The following LARS1 variants were observed in gnomAD, a reference collection of about 807,000 sequenced individuals.
The protein encoded by LARS1 is leucine--tRNA ligase, cytoplasmic.
LARS1 carries 100 observed loss-of-function variants against 162.8 expected under a neutral mutation model. The observed-to-expected ratio is 0.61, with a 90% CI of 0.52 to 0.73. The LOEUF (loss-of-function observed/expected upper bound fraction) is 0.73. LARS1 is among the 30% of genes least tolerant of loss of function. The pLI is 0.00. For synonymous variants in LARS1, 457 were observed against 462.8 expected, an observed-to-expected ratio of 0.99 and a Z score of 0.16; for missense variants, 1,258 against 1,408.9, an observed-to-expected ratio of 0.89 and a Z score of 1.71.
In LARS1 at chr5:146,135,617, G is replaced by C. The variant is rs1391232206; in HGVS notation, c.2196C>G (p.Asp732Glu). Residue 732 changes from aspartate to glutamate, a missense_variant, in exon 22 of 32, where the codon GAC becomes GAG. Transcript: ENST00000394434. ...GNFLTLTQAI[D>E]KFSADGMRLA... ...TTTACTCACCATCTGCTGAAAATTT[G>C]TCAATAGCTTGGGTCAAAGTGAGGA... 2 of 1,604,826 alleles carry C rather than the reference G, an allele frequency of 1.2e-6. No individual in the cohort carries two copies. Among genetic ancestry groups the C allele is most frequent in the East Asian group, 2.2e-5 (1 of 44,540 alleles).
chr5:146,139,907 G>A (rs1421263772), intron 21 of LARS1, among the ~76,000 whole-genome samples: 2 of 146,800 alleles, frequency 1.4e-5, no homozygotes, highest in African/African-American at 5.0e-5. Context: ...ATTAATTTAT[G>A]CCTCGTCCTA....
chr5:146,124,035 C>G lies in LARS1; in HGVS notation c.3043G>C (p.Asp1015His), dbSNP rs1437780784. The G allele has an allele frequency of 6.2e-7, 1 of 1,610,896 alleles. No homozygotes were observed. The highest frequency in any genetic ancestry group is 1.7e-5 in the Admixed American group (1 of 59,878). ...PRILDLQLEF[D>H]EKAVLMENIV... Reference sequence around the variant, plus strand: ...TTCTCCATAAGCACAGCCTTTTCATCAAATTCTAATTGCAAATCCAGAATA... The same window carrying G: ...TTCTCCATAAGCACAGCCTTTTCATGAAATTCTAATTGCAAATCCAGAATA... The change falls in exon 29 of 32, where the codon GAT (aspartate) becomes CAT (histidine). Residue 1015 changes from aspartate to histidine, a missense_variant. Coordinates refer to ENST00000394434, the MANE Select transcript of LARS1 (RefSeq NM_020117.11).
intron 21 of LARS1, chr5:146,137,824 T>C: frequency 3.8e-6 from 1 of 266,416 alleles, no homozygotes. Flanking sequence ...CACACAGCTC[T>C]TCTTAAAATT....
intron 3 of LARS1, 120 bp downstream of exon 3, chr5:146,172,567 C>T: frequency 2.1e-6 from 1 of 466,038 alleles, no homozygotes; most frequent in Non-Finnish European, 3.8e-6. Context: ...AAAAATTATG[C>T]TTTAAGGAAT....
intron 3 of LARS1, 126 bp downstream of exon 3, chr5:146,172,561 A>C (rs1421845305): frequency 8.9e-6 from 4 of 451,074 alleles, no homozygotes; most frequent in African/African-American, 2.1e-5. Flanking sequence ...AATATAAAAA[A>C]TTATGCTTTA....
At chr5:146,158,806 A>G (rs1753640594) in intron 8 of LARS1, among the ~76,000 whole-genome samples, 1 of 152,174 alleles carries the variant, frequency 6.6e-6, no homozygotes, top group African/African-American at 2.4e-5. Flanking sequence ...GTAAAAAGAT[A>G]TTCCTGGAGG....
In LARS1 at chr5:146,129,067, C is replaced by T. The variant is rs773155255; in HGVS notation, c.2680G>A (p.Val894Ile). The change falls in exon 26 of 32, where the codon GTT (valine) becomes ATT (isoleucine). Residue 894 changes from valine to isoleucine, a missense_variant. Coordinates refer to ENST00000394434, the MANE Select transcript of LARS1 (RefSeq NM_020117.11). The stretch of plus-strand genomic sequence containing the variant: ...AGATACTGTGAGGAGTGTATTAAAA[C>T]TTCATTAACAGGACCTGCCACAGGC... ...SWPVAGPVNE[V>I]LIHSSQYLME... 17 of 1,610,428 alleles carry T rather than the reference C, an allele frequency of 1.1e-5. No homozygotes were observed. In the Admixed American group the frequency reaches 2.7e-4, roughly 25 times the overall value.
intron 21 of LARS1, chr5:146,139,003 AT>A: frequency 2.7e-6 from 1 of 375,418 alleles, no homozygotes; most frequent in South Asian, 2.1e-5. Context: ...CCCCTCAAGG[AT>A]TTAAACTAAC....
rs1338552407 is a variant in LARS1, at chr5:146,145,069, G to GT, written c.1504-361dup. Among the ~76,000 whole-genome samples, 370 of 151,756 alleles carry GT rather than the reference G, an allele frequency of 2.4e-3. 3 individuals carry two copies. The highest frequency in any genetic ancestry group is 8.6e-3 in the African/African-American group (356 of 41,416). On this transcript the variant is annotated intron_variant, in intron 15 of 31. Transcript: ENST00000394434. ...CTATGACAGTTTTTTGGGGTTTTAT[G>GT]TTTTTTTTGTTTTGTTTTTATTTTG...
Position 146,168,119 on chromosome 5 carries a change from C to T in LARS1, c.432+9G>A. The stretch of plus-strand genomic sequence containing the variant: ...CTTCAACCAACATAAATATCAACCA[C>T]TATCAAACCTTTTTTCCTTTAGCTT... On this transcript the variant is annotated intron_variant, in intron 5 of 31. Transcript: ENST00000394434. 1 of 1,592,924 alleles carries T rather than the reference C, an allele frequency of 6.3e-7. No homozygotes were observed. The highest frequency in any genetic ancestry group is 8.6e-7 in the Non-Finnish European group (1 of 1,165,612).
intron 29 of LARS1, among the ~76,000 whole-genome samples, 169 bp from the exon 30 acceptor site, chr5:146,122,756 T>C (rs576396928): frequency 5.3e-5 from 8 of 152,208 alleles, no homozygotes; most frequent in African/African-American, 1.4e-4. Context: ...TAATCAGTTA[T>C]TTAACATTCG....
intron 15 of LARS1, among the ~76,000 whole-genome samples, chr5:146,145,585 T>C (rs1054020): frequency 0.6 from 91,263 of 152,052 alleles, 28,038 homozygotes; most frequent in Middle Eastern, 0.79. Flanking sequence ...AGCATGAAAA[T>C]TGACGATGTT....
chr5:146,120,403 C>G lies in LARS1; in HGVS notation c.3293G>C (p.Arg1098Thr). 6.2e-7 allele frequency: 1 copy of G among 1,613,270 alleles called. No homozygotes were observed. The highest frequency in any genetic ancestry group is 8.5e-7 in the Non-Finnish European group (1 of 1,179,442). Reference protein sequence around the residue: ...RQGDNCDSIIRRLMKMNRGIK... With the variant: ...RQGDNCDSIITRLMKMNRGIK... ...TCCTCGATTCATTTTCATTAAACGC[C>G]TGATTATGGAATCACAGTTATCTCC... Residue 1098 changes from arginine (R) to threonine (T), a missense_variant, in exon 31 of 32, where the codon AGG becomes ACG. Arg to Thr is a moderately conservative substitution (Grantham distance 71, BLOSUM62 -1). Transcript: ENST00000394434.
At chr5:146,131,248 G>A (rs966936362) in intron 23 of LARS1, 139 bp from the exon 24 acceptor site, 2 of 517,604 alleles carry the variant, frequency 3.9e-6, no homozygotes, top group Non-Finnish European at 6.8e-6. Flanking sequence ...GCAGTAAAAT[G>A]AGAACAATGC....
chr5:146,178,936 AAAAC>A (rs1170542957), intron 1 of LARS1, among the ~76,000 whole-genome samples: 5 of 152,140 alleles, frequency 3.3e-5, no homozygotes, highest in African/African-American at 9.6e-5. Context: ...CTTTAAAAGA[AAAAC>A]AATTTTTTTG....
chr5:146,156,379 C>T (rs1290815555), intron 10 of LARS1, among the ~76,000 whole-genome samples: 1 of 152,100 alleles, frequency 6.6e-6, no homozygotes, highest in East Asian at 1.9e-4. Context: ...TGGAATTAAA[C>T]ACACTCAGAA....
intron 20 of LARS1, among the ~76,000 whole-genome samples, chr5:146,141,427 T>A (rs1465625639): frequency 1.3e-5 from 2 of 152,190 alleles, no homozygotes; most frequent in Non-Finnish European, 2.9e-5. Flanking sequence ...AAAAAATTGG[T>A]GCAAAGGAAT....
rs748959745 is a variant in LARS1, at chr5:146,128,776, CA to C, written c.2775del (p.Asp926ThrfsTer51). 1 of 1,601,092 alleles carries C rather than the reference CA, an allele frequency of 6.2e-7. No homozygotes were observed. The highest frequency in any genetic ancestry group is 1.1e-5 in the South Asian group (1 of 88,408). The part of the protein sequence containing the change: ...NYMMPAKGKK[T>X]DKQPLQKPSH... ...GAGGGCTTCTGCAGGGGTTGTTTGTCAGTCTTCTAGACGGTAAAAGAAAGGA... is the reference window on the plus strand; with the variant it reads ...GAGGGCTTCTGCAGGGGTTGTTTGTCGTCTTCTAGACGGTAAAAGAAAGGA... On this transcript the variant is annotated frameshift_variant, in exon 27 of 32. Transcript: ENST00000394434. LOFTEE classifies it high-confidence loss of function.
chr5:146,167,953 G>A (rs1047685578), intron 5 of LARS1, among the ~76,000 whole-genome samples, 175 bp downstream of exon 5: 4 of 152,214 alleles, frequency 2.6e-5, no homozygotes, highest in Non-Finnish European at 4.4e-5. Flanking sequence ...CAAAGTGCTG[G>A]GATTACAGGC....
Sources: allele counts gnomAD v4.1 joint callset (sites outside exome capture counted in the v4.1 genomes callset), GRCh38; gene constraint gnomAD v4.1.1; transcripts MANE v1.5; gene names NCBI Gene and HGNC (gene_info 2026-07-23, HGNC 2026-07-21).